CHD1L: variants seen among roughly 807,000 people sequenced by gnomAD.
CHD1L encodes ATP-dependent chromatin remodeler CHD1L.
In CHD1L, 118 loss-of-function variants were observed where a neutral mutation model predicts 115.9. That is an observed-to-expected ratio of 1.02 (90% CI 0.88 to 1.19). The LOEUF is 1.19. Among genes scored for constraint, CHD1L ranks in the 50% most tolerant of loss-of-function variants. The probability of loss-of-function intolerance (pLI) is 0.00; values close to 1 mark genes in which losing one functional copy is unlikely to be tolerated. For missense variants in CHD1L, 1,179 were observed against 1,065.3 expected (o/e 1.11, Z -1.49); for synonymous variants, 411 against 387.1 (o/e 1.06, Z -0.72).
At chr1:147,216,076 C>G in the CHD1L span, 2 of 621,866 alleles carry the variant, frequency 3.2e-6, no homozygotes, top group African/African-American at 3.7e-5. Flanking sequence ...TATTTGTGCC[C>G]TTATGTAGTC....
At chr1:147,239,810 A>T (rs1664712950), upstream of CHD1L, among the ~76,000 whole-genome samples, 1 of 152,210 alleles carries the variant, frequency 6.6e-6, no homozygotes, top group Admixed American at 6.5e-5. Flanking sequence ...TAAAAATAAT[A>T]AACAGGCTTA....
chr1:147,247,376 G>GGAGCAGA (rs1484049450), intron 1 of CHD1L, among the ~76,000 whole-genome samples: 2 of 152,118 alleles, frequency 1.3e-5, no homozygotes, highest in Admixed American at 1.3e-4. Context: ...CCCTGAGCAG[G>GGAGCAGA]GAGCAGAGAG....
the CHD1L span, chr1:147,224,889 A>C: frequency 6.2e-7 from 1 of 1,613,716 alleles, no homozygotes; most frequent in African/African-American, 1.3e-5. Flanking sequence ...TAGGAGATGT[A>C]TGTACCTGGA....
At chr1:147,184,277 G>A in the CHD1L span, 1 of 341,254 alleles carries the variant, frequency 2.9e-6, no homozygotes. The surrounding 1 kb of genome is among the most constrained non-coding windows in gnomAD (Gnocchi z 4.4). Context: ...TTTAAGAAAA[G>A]TTGCAAAAAT....
intron 1 of CHD1L, among the ~76,000 whole-genome samples, chr1:147,250,110 C>G (rs1474242912): frequency 2.0e-5 from 3 of 151,892 alleles, no homozygotes; most frequent in Non-Finnish European, 4.4e-5. Flanking sequence ...TGTTTCTTAC[C>G]TGAGGTTTCC....
At chr1:147,238,724 G>A (rs1446961164), upstream of CHD1L, among the ~76,000 whole-genome samples, 1 of 152,124 alleles carries the variant, frequency 6.6e-6, no homozygotes, top group Non-Finnish European at 1.5e-5. Context: ...ACAATCATAT[G>A]CCCTAGATTT....
At chr1:147,293,403 T>G (rs1162966906) in intron 20 of CHD1L, among the ~76,000 whole-genome samples, 1 of 152,174 alleles carries the variant, frequency 6.6e-6, no homozygotes, top group African/African-American at 2.4e-5. Flanking sequence ...AAGAAAACCC[T>G]GTATAAAGTG....
In CHD1L at chr1:147,272,210, AAG is replaced by A. The variant is rs1212845323; in HGVS notation, c.1205_1206del (p.Arg402ThrfsTer5). ...CGTGTGGATGGTTCTGTGAGAGGAG[AAG>A]AGAGACACTTGGCCATTAAGAACTT... On this transcript the variant is annotated frameshift_variant, in exon 12 of 23. Transcript: ENST00000369258. LOFTEE classifies it high-confidence loss of function. 10 of 1,614,140 alleles carry A rather than the reference AAG, an allele frequency of 6.2e-6. No individual in the cohort carries two copies. Among genetic ancestry groups the A allele is most frequent in the Non-Finnish European group, 8.5e-6 (10 of 1,180,000 alleles).
At chr1:147,191,665 T>C in the CHD1L span, among the ~76,000 whole-genome samples, 3 of 145,604 alleles carry the variant, frequency 2.1e-5, no homozygotes, top group Non-Finnish European at 4.6e-5. Flanking sequence ...GTTTCTTTAG[T>C]CCATCTTGAA....
chr1:147,207,670 G>A, the CHD1L span, among the ~76,000 whole-genome samples: 1 of 152,078 alleles, frequency 6.6e-6, no homozygotes, highest in African/African-American at 2.4e-5. Flanking sequence ...GGAGGCCAAA[G>A]CAACTCCATC....
the CHD1L span, chr1:147,204,941 T>C: frequency 7.2e-6 from 11 of 1,533,656 alleles, no homozygotes; most frequent in East Asian, 2.5e-4. Flanking sequence ...ATGGCCAGCC[T>C]GCAGGAAGCC....
chr1:147,220,810 C>T, the CHD1L span, among the ~76,000 whole-genome samples: 1 of 151,834 alleles, frequency 6.6e-6, no homozygotes, highest in Admixed American at 6.6e-5. Context: ...ATATGTACCC[C>T]CGAACCTAAA....
At chr1:147,278,848 C>G (rs1444426388) in intron 14 of CHD1L, among the ~76,000 whole-genome samples, 1 of 152,142 alleles carries the variant, frequency 6.6e-6, no homozygotes, top group Non-Finnish European at 1.5e-5. Flanking sequence ...CCAATCCAAG[C>G]ACTCTCTAAC....
the CHD1L span, among the ~76,000 whole-genome samples, chr1:147,226,634 G>A: frequency 1.3e-5 from 2 of 152,216 alleles, no homozygotes; most frequent in East Asian, 1.9e-4. Context: ...GTTGTAAGAG[G>A]CATGGATTGT....
In CHD1L at chr1:147,265,913, AT is replaced by A. The variant is rs374853141; in HGVS notation, c.740-10del. 5.4e-4 allele frequency: 850 copies of A among 1,563,222 alleles called. 3 individuals are homozygous for A. The African/African-American group carries it at 8.8e-3, about 16-fold the overall frequency. On this transcript the variant is annotated intron_variant, in intron 7 of 22. Coordinates refer to ENST00000369258, the MANE Select transcript of CHD1L (RefSeq NM_004284.6). ...TCTACTTTTGTCCCACACTTCTTGT[AT>A]TTTTTTTTCTTATGTAGCAAGTGAA...
chr1:147,200,771 TA>T, the CHD1L span, among the ~76,000 whole-genome samples: 2,953 of 152,286 alleles, frequency 0.019, 78 homozygotes, highest in African/African-American at 0.067. Context: ...TGAAAGAAGA[TA>T]AAACTATTTT....
At chr1:147,237,343 G>A in the CHD1L span, among the ~76,000 whole-genome samples, 1 of 152,014 alleles carries the variant, frequency 6.6e-6, no homozygotes, top group Non-Finnish European at 1.5e-5. Flanking sequence ...CACCCAGGAG[G>A]GTGGGGCTCC....
chr1:147,275,247 T>G (rs1483171997), intron 12 of CHD1L, 107 bp from the exon 13 acceptor site: 2 of 803,018 alleles, frequency 2.5e-6, no homozygotes, highest in African/African-American at 1.7e-5. Flanking sequence ...AAGCCAATTG[T>G]TTTGACTGAT....
intron 15 of CHD1L, among the ~76,000 whole-genome samples, chr1:147,281,971 A>G (rs898079686): frequency 7.9e-5 from 12 of 152,312 alleles, no homozygotes; most frequent in African/African-American, 2.6e-4. Flanking sequence ...CCACTCTCCT[A>G]GTATTTCTCA....
Sources: allele counts gnomAD v4.1 joint callset (sites outside exome capture counted in the v4.1 genomes callset), GRCh38; gene constraint gnomAD v4.1.1; non-coding constraint Gnocchi (gnomAD v3.1); transcripts MANE v1.5; gene names NCBI Gene and HGNC (gene_info 2026-07-23, HGNC 2026-07-21).